Variants in SLC39A11 observed in about 807,000 individuals in gnomAD.
The protein encoded by SLC39A11 is zinc transporter ZIP11.
A neutral mutation model predicts 36.1 loss-of-function variants in SLC39A11; 33 were observed. The observed-to-expected ratio is 0.91, with a 90% confidence interval of 0.69 to 1.22. SLC39A11 has a LOEUF of 1.22. Ranked by LOEUF, SLC39A11 falls within the 50% of genes most tolerant of loss-of-function variation. The pLI, the probability that SLC39A11 is intolerant of heterozygous loss-of-function variation, is 0.00. For synonymous variants in SLC39A11, 166 were observed against 170.3 expected (o/e 0.97, Z 0.20); for missense variants, 432 against 430.3 (o/e 1.00, Z -0.03).
chr17:72,862,734 T>TA (rs147003693), intron 5 of SLC39A11, among the ~76,000 whole-genome samples: 6,613 of 150,778 alleles, frequency 0.044, 194 homozygotes, highest in African/African-American at 0.081. Context: ...CCACTAAGGT[T>TA]AAAAAAAAAG....
At chr17:72,955,296 C>CTTTTTT (rs2086161666) in intron 4 of SLC39A11, among the ~76,000 whole-genome samples, 1 of 25,806 alleles carries the variant, frequency 3.9e-5, no homozygotes, top group African/African-American at 1.1e-4. Context: ...CTTTTCAGTT[C>CTTTTTT]TCTTTTTTTT....
At chr17:72,902,823 C>G (rs1210452840) in intron 5 of SLC39A11, among the ~76,000 whole-genome samples, 2 of 152,178 alleles carry the variant, frequency 1.3e-5, no homozygotes, top group Non-Finnish European at 2.9e-5. Flanking sequence ...GAGGAACACT[C>G]AGTCCCAAGG....
At chr17:73,081,735 A>T (rs11651230) in intron 3 of SLC39A11, among the ~76,000 whole-genome samples, 1 of 119,490 alleles carries the variant, frequency 8.4e-6, no homozygotes, top group African/African-American at 3.0e-5. Flanking sequence ...ATATGTATGT[A>T]TATATATATA....
At chr17:72,904,439 G>T (rs2082548577) in intron 5 of SLC39A11, among the ~76,000 whole-genome samples, 1 of 152,072 alleles carries the variant, frequency 6.6e-6, no homozygotes, top group African/African-American at 2.4e-5. Context: ...GACACTCTTT[G>T]GTGGTGACAA....
chr17:73,083,432 C>T (rs1234414860), intron 3 of SLC39A11, among the ~76,000 whole-genome samples: 4 of 152,176 alleles, frequency 2.6e-5, no homozygotes, highest in African/African-American at 7.2e-5. Context: ...TTTTCCAGAT[C>T]GCAGGGCTAT....
chr17:72,896,647 C>CAT (rs964452220), intron 5 of SLC39A11, among the ~76,000 whole-genome samples: 2 of 152,070 alleles, frequency 1.3e-5, no homozygotes, highest in African/African-American at 2.4e-5. Context: ...ATTTATAACA[C>CAT]ATTTGTTCAT....
At position 72,837,985 on chromosome 17, in the gene SLC39A11, A is replaced by T. The variant is rs905460236; in HGVS notation, c.601+11649T>A. On this transcript the variant is annotated intron_variant, in intron 6 of 9. Coordinates refer to ENST00000255559, the MANE Select transcript of SLC39A11 (RefSeq NM_139177.4). ...GGTTTCTTTACAGGGTGATGAGAGTATTCAGGAATAGTGGTAGGTTGGGTA... is the reference window on the plus strand; with the variant it reads ...GGTTTCTTTACAGGGTGATGAGAGTTTTCAGGAATAGTGGTAGGTTGGGTA... 10 of 1,231,274 alleles carry T rather than the reference A, an allele frequency of 8.1e-6. No individual in the cohort carries two copies. In the African/African-American group the frequency reaches 1.6e-4, roughly 19 times the overall value. The allele number at this position is 1,231,274 out of a possible 1,614,324, so 76.3% of individuals were successfully genotyped here.
intron 6 of SLC39A11, among the ~76,000 whole-genome samples, chr17:72,761,817 T>C (rs2075588444): frequency 1.3e-5 from 2 of 152,310 alleles, no homozygotes; most frequent in Non-Finnish European, 1.5e-5. Flanking sequence ...CAACATGCAA[T>C]GCTCAGATCA....
At chr17:72,894,539 A>C (rs2081936139) in intron 5 of SLC39A11, among the ~76,000 whole-genome samples, 1 of 149,404 alleles carries the variant, frequency 6.7e-6, no homozygotes, top group Admixed American at 6.7e-5. Context: ...GTGTGGTGGC[A>C]CGCACCTGTA....
At chr17:72,729,168 C>T (rs1223753402) in intron 7 of SLC39A11, among the ~76,000 whole-genome samples, 1 of 151,826 alleles carries the variant, frequency 6.6e-6, no homozygotes, top group East Asian at 1.9e-4. Flanking sequence ...CATCGGAACC[C>T]ACCATAGTTG....
At chr17:72,693,819 C>A (rs138114262) in intron 7 of SLC39A11, among the ~76,000 whole-genome samples, 1 of 152,204 alleles carries the variant, frequency 6.6e-6, no homozygotes. Flanking sequence ...CCCACCACCA[C>A]GCCTGGCTAA....
intron 7 of SLC39A11, among the ~76,000 whole-genome samples, chr17:72,687,662 T>C (rs8069275): frequency 0.71 from 108,564 of 152,074 alleles, 38,961 homozygotes; most frequent in East Asian, 0.76. Flanking sequence ...GATCCTAAGA[T>C]GTGGGGCAAA....
chr17:73,000,085 G>A (rs2089734691), intron 4 of SLC39A11, among the ~76,000 whole-genome samples: 1 of 152,068 alleles, frequency 6.6e-6, no homozygotes. Context: ...CTAGGGAATT[G>A]CCCACTTTAT....
At chr17:72,957,831 C>A (rs996592073) in intron 4 of SLC39A11, among the ~76,000 whole-genome samples, 4 of 141,400 alleles carry the variant, frequency 2.8e-5, no homozygotes, top group African/African-American at 1.0e-4. Flanking sequence ...AAAAAAAAAA[C>A]AAACAAAAAT....
At chr17:72,799,411 C>A (rs2077009321) in intron 6 of SLC39A11, among the ~76,000 whole-genome samples, 1 of 152,076 alleles carries the variant, frequency 6.6e-6, no homozygotes, top group South Asian at 2.1e-4. Flanking sequence ...CAAGGGAAGA[C>A]AACCATAAGG....
chr17:72,714,755 C>T (rs919074014), intron 7 of SLC39A11, among the ~76,000 whole-genome samples: 13 of 152,226 alleles, frequency 8.5e-5, no homozygotes, highest in Non-Finnish European at 1.8e-4. Flanking sequence ...GTCCCCAAAC[C>T]TGTCAGGAAG....
intron 6 of SLC39A11, among the ~76,000 whole-genome samples, chr17:72,755,071 C>CA (rs1568036443): frequency 6.6e-6 from 1 of 151,686 alleles, no homozygotes; most frequent in Non-Finnish European, 1.5e-5. Context: ...GGGGACACTC[C>CA]AGGACTGGTC....
intron 4 of SLC39A11, among the ~76,000 whole-genome samples, chr17:73,012,980 G>C (rs1244725949): frequency 6.6e-6 from 1 of 152,072 alleles, no homozygotes. Flanking sequence ...TATATTTTTA[G>C]TAGAGATGGG....
rs982605717 is a variant in SLC39A11, at chr17:73,064,217, T to C, written c.147+20591A>G. Reference sequence around the variant, plus strand: ...TGGTTCCATTTGGTTTGCTGTTCAGTGAGTCTGCAGAAACCAAGCACTGTG... The same window carrying C: ...TGGTTCCATTTGGTTTGCTGTTCAGCGAGTCTGCAGAAACCAAGCACTGTG... On this transcript the variant is annotated intron_variant, in intron 3 of 9. Transcript: ENST00000255559. Among the ~76,000 whole-genome samples, 3 of 152,160 alleles carry C rather than the reference T, an allele frequency of 2.0e-5. No homozygotes were observed. In the East Asian group the frequency reaches 5.8e-4, roughly 29 times the overall value.
Sources: allele counts gnomAD v4.1 joint callset (sites outside exome capture counted in the v4.1 genomes callset), GRCh38; gene constraint gnomAD v4.1.1; transcripts MANE v1.5; gene names NCBI Gene and HGNC (gene_info 2026-07-23, HGNC 2026-07-21).